Variants in USP9X observed in about 807,000 individuals in gnomAD.
USP9X encodes ubiquitin carboxyl-terminal hydrolase 9X.
A neutral mutation model predicts 190.3 loss-of-function variants in USP9X; 7 were observed. The observed-to-expected ratio is 0.04, with a 90% confidence interval of 0.02 to 0.07. The LOEUF (loss-of-function observed/expected upper bound fraction) is 0.07, where lower values mean the gene tolerates loss of function less well. USP9X is among the 10% of genes least tolerant of loss of function. The pLI is 1.00. For missense variants in USP9X, 1,010 were observed against 1,916.9 expected, an observed-to-expected ratio of 0.53 and a Z score of 8.83; for synonymous variants, 645 against 659.5, an observed-to-expected ratio of 0.98 and a Z score of 0.34.
chrX:41,176,097 CCT>C (rs1325917026), intron 21 of USP9X, among the ~76,000 whole-genome samples: 1 of 110,964 alleles, frequency 9.0e-6, no homozygotes, highest in Non-Finnish European at 1.9e-5. Flanking sequence ...CTTCTGTTAT[CCT>C]CTCACTTATT....
intron 4 of USP9X, among the ~76,000 whole-genome samples, chrX:41,133,457 G>C (rs2062342238): frequency 8.9e-6 from 1 of 111,786 alleles, no homozygotes; most frequent in South Asian, 3.7e-4. Context: ...AGGGTAGATA[G>C]AGTATCCATT....
At chrX:41,227,531 T>C (rs746055137) in intron 41 of USP9X, among the ~76,000 whole-genome samples, 56 of 112,060 alleles carry the variant, frequency 5.0e-4, no homozygotes, top group South Asian at 1.5e-3. Context: ...TTAAACATAC[T>C]GTTAAGTAAA....
intron 9 of USP9X, 100 bp from the exon 10 acceptor site, chrX:41,143,191 G>C (rs1267998878): frequency 5.1e-6 from 3 of 587,078 alleles, no homozygotes. Context: ...TTTTGTAAAT[G>C]TGTTTTGAAT....
rs771115532 is a variant in USP9X, at chrX:41,235,701, GT to G, written c.*3187del. On this transcript the variant is annotated 3_prime_UTR_variant, in exon 45 of 45. Transcript: ENST00000378308. ...TGTAGAGGCAGAAATAACATACTAG[GT>G]TTTTTTTTTCTTTCATTGATTTTTC... 0.011 allele frequency: 1,172 copies of G among 108,674 alleles called. 19 individuals are homozygous for G. The highest frequency in any genetic ancestry group is 0.037 in the African/African-American group (1,111 of 30,010). The allele number at this position is 108,674 out of a possible 1,213,427, so 9.0% of individuals were successfully genotyped here.
intron 26 of USP9X, 161 bp from the exon 27 acceptor site, chrX:41,196,090 T>C (rs1182372799): frequency 3.5e-6 from 2 of 566,933 alleles, no homozygotes; most frequent in South Asian, 2.7e-5. Flanking sequence ...TGGTGTTGGC[T>C]TGAGTGCTTG....
At chrX:41,176,259 T>C (rs1734032970) in intron 21 of USP9X, among the ~76,000 whole-genome samples, 1 of 111,366 alleles carries the variant, frequency 9.0e-6, no homozygotes, top group Non-Finnish European at 1.9e-5. Flanking sequence ...CTTATTGGGC[T>C]CCCTCCTCCT....
At chrX:41,193,240 T>C (rs1008296274) in intron 26 of USP9X, among the ~76,000 whole-genome samples, 2 of 110,991 alleles carry the variant, frequency 1.8e-5, no homozygotes, top group African/African-American at 6.6e-5. Context: ...CTAAGTGAGA[T>C]GGGAATCTTT....
At chrX:41,225,185 T>TAGAGTTAACTGAAATTGAC in intron 41 of USP9X, 48 bp downstream of exon 41, 1 of 1,118,160 alleles carries the variant, frequency 8.9e-7, no homozygotes, top group Non-Finnish European at 1.2e-6. Context: ...GCCCAGGTGT[T>TAGAGTTAACTGAAATTGAC]AGAGTTAACT....
rs751798878 is a variant in USP9X at position 41,153,193 on chromosome X, C to T, written c.1897+112C>T. On this transcript the variant is annotated intron_variant, in intron 14 of 44. Transcript: ENST00000378308. ...TTTATGGATTTAAGATCCACTATTACTCCCAACTCTTAGACATCCTAAACT... is the reference window on the plus strand; with the variant it reads ...TTTATGGATTTAAGATCCACTATTATTCCCAACTCTTAGACATCCTAAACT... 1.6e-5 allele frequency: 13 copies of T among 796,728 alleles called. No individual in the cohort carries two copies. In the South Asian group the frequency reaches 4.0e-4, roughly 24 times the overall value. 65.7% of individuals were successfully genotyped at this position (796,728 alleles called of 1,213,427 possible).
chrX:41,138,805 T>C (rs925536659), intron 6 of USP9X, among the ~76,000 whole-genome samples: 1 of 113,186 alleles, frequency 8.8e-6, no homozygotes, highest in African/African-American at 3.2e-5. Flanking sequence ...ATGCTATCTT[T>C]GAGAAAAGGA....
At chrX:41,087,484 C>T (rs1261463024) in intron 1 of USP9X, among the ~76,000 whole-genome samples, 1 of 112,212 alleles carries the variant, frequency 8.9e-6, no homozygotes, top group Admixed American at 9.5e-5. Context: ...ATTTTGGTTT[C>T]AGCAAATACC....
intron 1 of USP9X, among the ~76,000 whole-genome samples, chrX:41,093,238 A>G (rs2061966608): frequency 8.9e-6 from 1 of 112,065 alleles, no homozygotes. Flanking sequence ...ACTTCTGTAC[A>G]TTAGCTGATG....
In USP9X at chrX:41,197,352, C is replaced by CCCCCAT; in HGVS notation, c.4234-12_4234-11insCCCCAT. The CCCCCAT allele has an allele frequency of 1.0e-6, 1 of 988,230 alleles. No homozygotes were observed. Among genetic ancestry groups the CCCCCAT allele is most frequent in the Non-Finnish European group, 1.3e-6 (1 of 759,397 alleles). 81.4% of individuals were successfully genotyped at this position (988,230 alleles called of 1,213,427 possible). On this transcript the variant is annotated splice_polypyrimidine_tract_variant and intron_variant, in intron 28 of 44. Coordinates refer to ENST00000378308, the MANE Select transcript of USP9X (RefSeq NM_001039591.3). The stretch of plus-strand genomic sequence containing the variant: ...TTCTTCCCCCCCCCACCCCACCCCC[C>CCCCCAT]GCCTTTGGCAGGATGATGTTAAAAG...
At chrX:41,086,375 C>T (rs1347918872) in intron 1 of USP9X, among the ~76,000 whole-genome samples, 5 of 112,299 alleles carry the variant, frequency 4.5e-5, no homozygotes, top group South Asian at 3.7e-4. Context: ...CCGTCCCTCC[C>T]CCTCCTCCCC....
intron 14 of USP9X, among the ~76,000 whole-genome samples, 184 bp downstream of exon 14, chrX:41,153,265 A>G (rs1377702995): frequency 9.0e-6 from 1 of 111,451 alleles, no homozygotes; most frequent in Non-Finnish European, 1.9e-5. Flanking sequence ...GCCTTCCCCC[A>G]TTCTCTTTGT....
chrX:41,129,204 CCTT>C, intron 3 of USP9X, 59 bp downstream of exon 3: 2 of 1,096,220 alleles, frequency 1.8e-6, no homozygotes, highest in Non-Finnish European at 2.5e-6. Context: ...CCCACTGCCT[CCTT>C]AATAGTCTTT....
intron 14 of USP9X, among the ~76,000 whole-genome samples, chrX:41,158,429 T>C (rs1192851905): frequency 9.0e-6 from 1 of 110,915 alleles, no homozygotes; most frequent in African/African-American, 3.3e-5. Flanking sequence ...GGACAACATA[T>C]TCAAAGTGCT....
At chrX:41,100,857 G>A (rs1412176645) in intron 1 of USP9X, among the ~76,000 whole-genome samples, 3 of 110,204 alleles carry the variant, frequency 2.7e-5, no homozygotes, top group Admixed American at 9.7e-5. Flanking sequence ...ATGTTGGCCA[G>A]GCAGGTCTCG....
intron 11 of USP9X, among the ~76,000 whole-genome samples, chrX:41,146,847 G>A (rs2062470129): frequency 9.2e-6 from 1 of 108,396 alleles, no homozygotes; most frequent in Non-Finnish European, 1.9e-5. Context: ...TGGTTGTACT[G>A]GTTGAATAGA....
Sources: gnomAD v4.1 joint callset for allele counts (sites outside exome capture counted in the v4.1 genomes callset) on GRCh38, gnomAD v4.1.1 for gene constraint, MANE v1.5 for transcripts, NCBI Gene and HGNC (gene_info 2026-07-23, HGNC 2026-07-21) for gene names.